C12orf54: variants seen among roughly 807,000 people sequenced by gnomAD.
C12orf54 encodes uncharacterized protein C12orf54.
A neutral mutation model predicts 26.4 loss-of-function variants in C12orf54; 24 were observed. The observed-to-expected ratio is 0.91, with a 90% CI of 0.66 to 1.28. C12orf54 has a LOEUF of 1.28. Among genes scored for constraint, C12orf54 ranks in the 50% most tolerant of loss-of-function variants. The probability of loss-of-function intolerance (pLI) is 0.00; values close to 1 mark genes in which losing one functional copy is unlikely to be tolerated. For missense variants in C12orf54, 154 were observed against 150.9 expected (o/e 1.02, Z -0.11); for synonymous variants, 54 against 47.0 (o/e 1.15, Z -0.61).
chr12:48,417,964 T>C, the C12orf54 span, among the ~76,000 whole-genome samples: 1 of 152,252 alleles, frequency 6.6e-6, no homozygotes, highest in Non-Finnish European at 1.5e-5. Flanking sequence ...TGTGCCACGT[T>C]TTCTGTATCC....
chr12:48,449,585 C>T, the C12orf54 span, among the ~76,000 whole-genome samples: 1 of 152,156 alleles, frequency 6.6e-6, no homozygotes, highest in Non-Finnish European at 1.5e-5. Context: ...TAAAAGTTTT[C>T]ACTAGGCTTT....
At chr12:48,456,774 T>G in the C12orf54 span, among the ~76,000 whole-genome samples, 4 of 149,732 alleles carry the variant, frequency 2.7e-5, no homozygotes, top group East Asian at 5.8e-4. Context: ...TTGAAAAAAC[T>G]GAACTATCTG....
chr12:48,490,138 G>A (rs1565572429), intron 5 of C12orf54, among the ~76,000 whole-genome samples: 1 of 152,126 alleles, frequency 6.6e-6, no homozygotes, highest in Non-Finnish European at 1.5e-5. Flanking sequence ...AGGGCCAGAG[G>A]GCCACAAAGA....
the C12orf54 span, among the ~76,000 whole-genome samples, chr12:48,445,159 C>T: frequency 6.6e-6 from 1 of 151,714 alleles, no homozygotes; most frequent in East Asian, 1.9e-4. Flanking sequence ...GGCGACAGAG[C>T]GAGACTCCGT....
chr12:48,436,933 C>G, the C12orf54 span, among the ~76,000 whole-genome samples: 2 of 152,112 alleles, frequency 1.3e-5, no homozygotes, highest in Non-Finnish European at 2.9e-5. Flanking sequence ...AATAGAGACA[C>G]AACAAACCCT....
intron 3 of C12orf54, 84 bp from the exon 4 acceptor site, chr12:48,486,604 T>A: frequency 7.1e-7 from 1 of 1,413,478 alleles, no homozygotes; most frequent in South Asian, 1.2e-5. Context: ...AAACATCTTG[T>A]CTTCCACCAG....
chr12:48,483,159 G>GCTGAGACATCTGTC (rs111330031), intron 1 of C12orf54, 81 bp from the exon 2 acceptor site: 92,188 of 659,040 alleles, frequency 0.14, 13,608 homozygotes, highest in East Asian at 0.62. Flanking sequence ...TCCATTAACT[G>GCTGAGACATCTGTC]CTGGTAGTTC....
chr12:48,471,771 T>A, the C12orf54 span, among the ~76,000 whole-genome samples: 1 of 152,332 alleles, frequency 6.6e-6, no homozygotes, highest in African/African-American at 2.4e-5. Context: ...TGAAGTCAGG[T>A]AGTGTGATGT....
At chr12:48,417,529 C>G in the C12orf54 span, among the ~76,000 whole-genome samples, 1 of 152,150 alleles carries the variant, frequency 6.6e-6, no homozygotes, top group African/African-American at 2.4e-5. Flanking sequence ...ATTCTATACC[C>G]TCAACCTTAG....
the C12orf54 span, among the ~76,000 whole-genome samples, chr12:48,440,082 A>G: frequency 9.2e-5 from 14 of 152,024 alleles, no homozygotes; most frequent in African/African-American, 3.4e-4. Flanking sequence ...AAAATTCGCC[A>G]ACTATGGTGA....
At chr12:48,428,888 C>T in the C12orf54 span, among the ~76,000 whole-genome samples, 1 of 152,112 alleles carries the variant, frequency 6.6e-6, no homozygotes, top group Non-Finnish European at 1.5e-5. Flanking sequence ...ATACCAATAT[C>T]CCTCATGAAC....
At chr12:48,473,051 C>A in the C12orf54 span, 1 of 1,614,134 alleles carries the variant, frequency 6.2e-7, no homozygotes, top group African/African-American at 1.3e-5. Context: ...CCAACCTGAA[C>A]AACTACTGAG....
chr12:48,469,350 C>T, the C12orf54 span, among the ~76,000 whole-genome samples: 2 of 152,164 alleles, frequency 1.3e-5, no homozygotes, highest in Non-Finnish European at 2.9e-5. Flanking sequence ...TTATTCCTTG[C>T]TGAGAAAAGA....
intron 4 of C12orf54, 34 bp from the exon 5 acceptor site, chr12:48,488,890 A>C (rs1937719972): frequency 6.5e-7 from 1 of 1,536,646 alleles, no homozygotes; most frequent in Non-Finnish European, 9.0e-7. Context: ...ATCATCTACA[A>C]TATTATTTTT....
the C12orf54 span, among the ~76,000 whole-genome samples, chr12:48,438,566 A>T: frequency 1.3e-5 from 2 of 152,254 alleles, no homozygotes; most frequent in South Asian, 4.1e-4. Flanking sequence ...GATATAGACC[A>T]ATGTAACAGA....
chr12:48,427,589 A>G, the C12orf54 span, among the ~76,000 whole-genome samples: 1 of 151,760 alleles, frequency 6.6e-6, no homozygotes, highest in African/African-American at 2.4e-5. Flanking sequence ...GGAATATTAT[A>G]TAACGGTAAG....
the C12orf54 span, among the ~76,000 whole-genome samples, chr12:48,464,235 C>T: frequency 6.6e-6 from 1 of 152,034 alleles, no homozygotes; most frequent in Non-Finnish European, 1.5e-5. Flanking sequence ...TTTCAGAATA[C>T]AAAATCAATG....
At position 48,483,310 on chromosome 12, in the gene C12orf54, C is replaced by T; in HGVS notation, c.14C>T (p.Pro5Leu). 1 of 1,613,926 alleles carries T rather than the reference C, an allele frequency of 6.2e-7. No homozygotes were observed. Among genetic ancestry groups the T allele is most frequent in the Non-Finnish European group, 8.5e-7 (1 of 1,179,922 alleles). The change falls in exon 2 of 9, where the codon CCC becomes CTC. Residue 5 changes from proline to leucine, a missense_variant. By Grantham distance (98) the Pro-to-Leu change is moderately conservative (BLOSUM62 -3). Transcript: ENST00000548364. MAQH[P>L]CQDQEQKVEM... ...GTCTGAGAACAAATGGCACAGCATC[C>T]CTGCCAGGATCAGGAACAAAAGGTA...
the C12orf54 span, among the ~76,000 whole-genome samples, chr12:48,468,911 G>A: frequency 9.9e-5 from 15 of 152,104 alleles, no homozygotes; most frequent in South Asian, 6.2e-4. Flanking sequence ...ATCACATGTC[G>A]GCAGGTTCCA....
Sources: allele counts gnomAD v4.1 joint callset (sites outside exome capture counted in the v4.1 genomes callset), GRCh38; gene constraint gnomAD v4.1.1; transcripts MANE v1.5; gene names NCBI Gene and HGNC (gene_info 2026-07-23, HGNC 2026-07-21).